The following GRM7 variants were observed in gnomAD, a reference collection of about 807,000 sequenced individuals.
GRM7 encodes metabotropic glutamate receptor 7.
A neutral mutation model predicts 84.5 loss-of-function variants in GRM7; 35 were observed. That is an observed-to-expected ratio of 0.41 (90% confidence interval 0.32 to 0.55). The LOEUF (loss-of-function observed/expected upper bound fraction) is 0.55. GRM7 is among the 20% of genes least tolerant of loss of function. The pLI, the probability that GRM7 is intolerant of heterozygous loss-of-function variation, is 0.19. For missense variants in GRM7, 1,003 were observed against 1,194.6 expected, an observed-to-expected ratio of 0.84 and a Z score of 2.36; for synonymous variants, 487 against 455.1, an observed-to-expected ratio of 1.07 and a Z score of -0.89.
At chr3:7,366,591 T>C (rs1379147544) in intron 4 of GRM7, among the ~76,000 whole-genome samples, 1 of 151,892 alleles carries the variant, frequency 6.6e-6, no homozygotes, top group Non-Finnish European at 1.5e-5. Flanking sequence ...TGATTGTCTT[T>C]ATTTTTCTGT....
intron 1 of GRM7, among the ~76,000 whole-genome samples, chr3:6,915,313 G>T (rs140858827): frequency 4.2e-4 from 64 of 152,166 alleles, no homozygotes; most frequent in Non-Finnish European, 7.9e-4. Flanking sequence ...ACAGTTTTTG[G>T]TGGTTGTCGT....
At position 7,054,069 on chromosome 3, in the gene GRM7, G is replaced by A. The variant is rs532366870; in HGVS notation, c.520-92383G>A. ...TCAAGCTACAACTATCTTATATTTT[G>A]CTACTACTATAAGTATTTTCATTTT... is the stretch of plus-strand genomic sequence containing the variant. On this transcript the variant is annotated intron_variant, in intron 1 of 9. Coordinates refer to ENST00000357716, the MANE Select transcript of GRM7 (RefSeq NM_000844.4). Among the ~76,000 whole-genome samples the A allele has an allele frequency of 4.0e-5, 6 of 150,332 alleles. No homozygotes were observed. In the South Asian group the frequency reaches 1.3e-3, roughly 32 times the overall value.
At chr3:7,379,911 G>A (rs1052538847) in intron 4 of GRM7, among the ~76,000 whole-genome samples, 7 of 152,068 alleles carry the variant, frequency 4.6e-5, no homozygotes, top group Admixed American at 6.6e-5. Flanking sequence ...AAACTCTGCC[G>A]CCTTCCCTTC....
At chr3:7,064,505 C>CACATATACATATACATATATACACATAT (rs1553612672) in intron 1 of GRM7, among the ~76,000 whole-genome samples, 1 of 101,008 alleles carries the variant, frequency 9.9e-6, no homozygotes, top group Non-Finnish European at 2.1e-5. Context: ...TATATATACA[C>CACATATACATATACATATATACACATAT]ATATATATAT....
At chr3:7,270,549 C>G (rs772457417) in intron 2 of GRM7, among the ~76,000 whole-genome samples, 4 of 151,922 alleles carry the variant, frequency 2.6e-5, no homozygotes, top group Non-Finnish European at 5.9e-5. Context: ...TTTTTACTAT[C>G]CAGGGATCTT....
chr3:7,450,084 T>G (rs1575353385), intron 5 of GRM7, among the ~76,000 whole-genome samples: 1 of 149,844 alleles, frequency 6.7e-6, no homozygotes, highest in East Asian at 2.0e-4. Flanking sequence ...TAATTAAATT[T>G]AAAAAGAGAA....
At chr3:7,272,394 A>C (rs532994169) in intron 2 of GRM7, among the ~76,000 whole-genome samples, 2 of 152,294 alleles carry the variant, frequency 1.3e-5, no homozygotes, top group Admixed American at 1.3e-4. Flanking sequence ...GTCATGAGTT[A>C]ATATATGGAA....
intron 8 of GRM7, among the ~76,000 whole-genome samples, chr3:7,584,272 A>G (rs530462865): frequency 1.3e-5 from 2 of 152,370 alleles, no homozygotes; most frequent in Admixed American, 1.3e-4. Context: ...TGTGAATTCC[A>G]AATTAACTTT....
rs563632997 is a variant in GRM7, at chr3:7,320,065, ATTAT to A, written c.1033+13422_1033+13425del. On this transcript the variant is annotated intron_variant, in intron 4 of 9. Coordinates refer to ENST00000357716, the MANE Select transcript of GRM7 (RefSeq NM_000844.4). The stretch of plus-strand genomic sequence containing the variant: ...TTATCTTTCACTTTATATAAATATA[ATTAT>A]TTATTTATCATACAGTAAATACATT... Among the ~76,000 whole-genome samples, 635 of 151,680 alleles carry A rather than the reference ATTAT, an allele frequency of 4.2e-3. 2 individuals are homozygous for A. The highest frequency in any genetic ancestry group is 0.02 in the Middle Eastern group (6 of 294).
chr3:6,957,080 G>A (rs1406003621), intron 1 of GRM7, among the ~76,000 whole-genome samples: 2 of 152,070 alleles, frequency 1.3e-5, no homozygotes, highest in African/African-American at 4.8e-5. Context: ...TTATATTATA[G>A]ACCCTTTCAG....
intron 8 of GRM7, among the ~76,000 whole-genome samples, chr3:7,622,031 C>A (rs12107224): frequency 6.6e-6 from 1 of 152,082 alleles, no homozygotes; most frequent in East Asian, 1.9e-4. Flanking sequence ...TCTCAGCATT[C>A]GCAGTCCTGG....
At chr3:7,474,015 T>G (rs570203146) in intron 7 of GRM7, among the ~76,000 whole-genome samples, 128 of 152,282 alleles carry the variant, frequency 8.4e-4, no homozygotes, top group Admixed American at 2.0e-3. Context: ...AATCTTTTAA[T>G]CTATGATACC....
chr3:6,940,806 T>C (rs758362335), intron 1 of GRM7, among the ~76,000 whole-genome samples: 3 of 152,194 alleles, frequency 2.0e-5, no homozygotes, highest in Non-Finnish European at 2.9e-5. Context: ...CATGTGAAGA[T>C]AGAGATATGG....
Position 7,304,427 on chromosome 3 carries a change from A to T in GRM7, c.879-2071A>T, listed in dbSNP as rs886851273. Among the ~76,000 whole-genome samples the T allele has an allele frequency of 3.4e-5, 5 of 145,612 alleles. No homozygotes were observed. In the South Asian group the frequency reaches 6.5e-4, roughly 19 times the overall value. On this transcript the variant is annotated intron_variant, in intron 3 of 9. Coordinates refer to ENST00000357716, the MANE Select transcript of GRM7 (RefSeq NM_000844.4). Reference sequence around the variant, plus strand: ...CATTCTCATTATTTACAGAGGTCTTATATTTCGTGATGTGCTTGATTTTCC... The same window carrying T: ...CATTCTCATTATTTACAGAGGTCTTTTATTTCGTGATGTGCTTGATTTTCC...
At chr3:7,077,546 G>A (rs923390344) in intron 1 of GRM7, among the ~76,000 whole-genome samples, 1 of 140,430 alleles carries the variant, frequency 7.1e-6, no homozygotes, top group Non-Finnish European at 1.5e-5. Flanking sequence ...TACAGGGAGG[G>A]GAATATCACA....
At chr3:7,415,999 T>C (rs1696143403) in intron 5 of GRM7, among the ~76,000 whole-genome samples, 1 of 152,124 alleles carries the variant, frequency 6.6e-6, no homozygotes, top group Non-Finnish European at 1.5e-5. Flanking sequence ...TGAGTCAAGA[T>C]AAAATGAAGA....
chr3:7,609,118 C>T (rs372531507), intron 8 of GRM7, among the ~76,000 whole-genome samples: 4 of 152,224 alleles, frequency 2.6e-5, no homozygotes, highest in East Asian at 3.9e-4. Context: ...GTTACTGTAG[C>T]ATTTTATACA....
Position 6,862,766 on chromosome 3 carries a change from A to C in GRM7, c.519+859A>C. 8 of 303,784 alleles carry C rather than the reference A, an allele frequency of 2.6e-5. No homozygotes were observed. Among genetic ancestry groups the C allele is most frequent in the Non-Finnish European group, 3.9e-5 (6 of 154,162 alleles). The allele number at this position is 303,784 out of a possible 1,614,324, so 18.8% of individuals were successfully genotyped here. A position where few individuals can be genotyped will look rare whatever the true frequency, so the allele number is the denominator to read the frequency against. On this transcript the variant is annotated intron_variant, in intron 1 of 9. Transcript: ENST00000357716. The surrounding 1 kb of genome is among the most constrained non-coding windows in gnomAD (Gnocchi z 5.2). ...CCACTATCTCCCTGACGCAGACCCCAAGCCAAATCCTCGGCTTGGAGGACG... is the reference window on the plus strand; with the variant it reads ...CCACTATCTCCCTGACGCAGACCCCCAGCCAAATCCTCGGCTTGGAGGACG...
intron 1 of GRM7, among the ~76,000 whole-genome samples, chr3:6,952,711 C>T (rs1355064290): frequency 6.6e-6 from 1 of 152,066 alleles, no homozygotes; most frequent in Non-Finnish European, 1.5e-5. Flanking sequence ...TATTGTTTTG[C>T]TTTTTGTTTT....
Sources: allele counts gnomAD v4.1 joint callset (sites outside exome capture counted in the v4.1 genomes callset), GRCh38; gene constraint gnomAD v4.1.1; non-coding constraint Gnocchi (gnomAD v3.1); transcripts MANE v1.5; gene names NCBI Gene and HGNC (gene_info 2026-07-23, HGNC 2026-07-21).